The following TRPM3 variants were observed in gnomAD, a reference collection of about 807,000 sequenced individuals.
TRPM3 encodes long transient receptor potential channel 3.
A neutral mutation model predicts 181.2 loss-of-function variants in TRPM3; 77 were observed. That is an observed-to-expected ratio of 0.42 (90% CI 0.35 to 0.51). TRPM3 has a LOEUF of 0.51. Ranked by LOEUF, TRPM3 falls within the 20% of genes least tolerant of loss-of-function variation. The pLI, the probability that TRPM3 is intolerant of heterozygous loss-of-function variation, is 0.01. For missense variants in TRPM3, 1,759 were observed against 2,196.7 expected, an observed-to-expected ratio of 0.80 and a Z score of 3.98; for synonymous variants, 745 against 796.4, an observed-to-expected ratio of 0.94 and a Z score of 1.09.
chr9:71,430,836 G>C (rs963761858), intron 1 of TRPM3, among the ~76,000 whole-genome samples: 6 of 152,016 alleles, frequency 3.9e-5, no homozygotes, highest in Admixed American at 3.9e-4. Context: ...CTTGTGAAAG[G>C]GGTATTTTTG....
intron 1 of TRPM3, among the ~76,000 whole-genome samples, chr9:71,019,640 G>T (rs1391876687): frequency 5.9e-5 from 9 of 151,966 alleles, no homozygotes; most frequent in Non-Finnish European, 1.3e-4. Flanking sequence ...ATATTGTAAT[G>T]ATGCCAAATC....
chr9:70,843,776 A>G (rs2094823046), intron 4 of TRPM3, among the ~76,000 whole-genome samples: 1 of 128,428 alleles, frequency 7.8e-6, no homozygotes. Context: ...GTTAGGCGGC[A>G]TAACTCTTAC....
chr9:70,964,537 T>C (rs1432918243), intron 1 of TRPM3, among the ~76,000 whole-genome samples: 1 of 152,096 alleles, frequency 6.6e-6, no homozygotes, highest in Non-Finnish European at 1.5e-5. Context: ...AACTAATTTC[T>C]AGGCTCTGTC....
chr9:71,180,480 G>T (rs941661622), intron 1 of TRPM3, among the ~76,000 whole-genome samples: 3 of 152,134 alleles, frequency 2.0e-5, no homozygotes, highest in African/African-American at 7.2e-5. Context: ...CCTGTACTTT[G>T]TAAGTACTCT....
At chr9:71,154,024 C>T (rs1351988354) in intron 1 of TRPM3, among the ~76,000 whole-genome samples, 1 of 152,026 alleles carries the variant, frequency 6.6e-6, no homozygotes, top group African/African-American at 2.4e-5. Context: ...TGAACCTGTA[C>T]AGAACTGCAG....
rs1464717447 is a variant in TRPM3, at chr9:71,121,337, C to T, written c.18G>A (p.Gly6=). MPEPW[G]TVYFLGIAQV... ...GAGCAATGCCTAGAAAATAAACGGT[C>T]CCCCACGGCTCTGGCATCCCATGGT... Residue 6 remains glycine, a synonymous_variant, in exon 1 of 26, where the codon GGG becomes GGA. Transcript: ENST00000677713. The T allele has an allele frequency of 1.9e-6, 3 of 1,613,654 alleles. No individual in the cohort carries two copies. The highest frequency in any genetic ancestry group is 3.3e-5 in the Admixed American group (2 of 59,990).
chr9:71,011,586 C>T (rs1193663703), intron 1 of TRPM3, among the ~76,000 whole-genome samples: 1 of 151,858 alleles, frequency 6.6e-6, no homozygotes, highest in African/African-American at 2.4e-5. Flanking sequence ...AGTCATTCAT[C>T]TTTGTTATAT....
chr9:71,051,053 T>G (rs2060010673), intron 1 of TRPM3, among the ~76,000 whole-genome samples: 1 of 152,200 alleles, frequency 6.6e-6, no homozygotes, highest in Admixed American at 6.5e-5. Context: ...TGTCTCCCAG[T>G]TCCTGAGGAG....
intron 1 of TRPM3, among the ~76,000 whole-genome samples, chr9:71,399,532 T>C (rs905958372): frequency 2.4e-5 from 3 of 127,260 alleles, no homozygotes; most frequent in Non-Finnish European, 4.9e-5. Context: ...TTTTGTTTTT[T>C]TTTTTTTTTT....
chr9:70,870,606 A>G (rs1001587349), intron 1 of TRPM3, among the ~76,000 whole-genome samples: 1 of 152,054 alleles, frequency 6.6e-6, no homozygotes, highest in Non-Finnish European at 1.5e-5. Context: ...TAATACAGAA[A>G]AAGTGGAAAC....
intron 1 of TRPM3, among the ~76,000 whole-genome samples, chr9:71,114,254 A>C (rs1364752781): frequency 1.3e-5 from 2 of 152,178 alleles, no homozygotes; most frequent in Middle Eastern, 3.2e-3. Flanking sequence ...CCCTCTGAAA[A>C]TGAAGTACAG....
chr9:70,968,491 G>C (rs186656136), intron 1 of TRPM3, among the ~76,000 whole-genome samples: 1 of 152,130 alleles, frequency 6.6e-6, no homozygotes, highest in Non-Finnish European at 1.5e-5. Flanking sequence ...GAATCTGAGA[G>C]CCCCTCTTAT....
chr9:70,906,929 A>G (rs1175348877), intron 1 of TRPM3, among the ~76,000 whole-genome samples: 2 of 152,124 alleles, frequency 1.3e-5, no homozygotes, highest in African/African-American at 4.8e-5. Context: ...AATAAAAAAT[A>G]AAGTCCAGAT....
intron 1 of TRPM3, among the ~76,000 whole-genome samples, chr9:71,163,193 A>G (rs2076362970): frequency 1.3e-5 from 2 of 152,320 alleles, no homozygotes; most frequent in African/African-American, 4.8e-5. Flanking sequence ...CCAAGGTCAC[A>G]GTGTGAAGAA....
intron 3 of TRPM3, among the ~76,000 whole-genome samples, chr9:70,859,865 C>T (rs910352057): frequency 1.3e-5 from 2 of 152,102 alleles, no homozygotes; most frequent in African/African-American, 4.8e-5. Flanking sequence ...AGGAGGTTGA[C>T]TGAAAGTGGA....
Position 71,414,719 on chromosome 9 carries a change from T to G in TRPM3, c.183+31934A>C, listed in dbSNP as rs527751071. On this transcript the variant is annotated intron_variant, in intron 1 of 24. Transcript: ENST00000357533. ...ACTGGAGAGGCATGATACTAACTCA[T>G]GAAGCAGAGAAATCCCAAGATTCGT... is the stretch of plus-strand genomic sequence containing the variant. 6.6e-5 allele frequency among the ~76,000 whole-genome samples: 10 copies of G among 152,180 alleles called. No homozygotes were observed. The East Asian group carries it at 1.7e-3, about 26-fold the overall frequency.
At chr9:71,254,877 A>G (rs2082578332) in intron 1 of TRPM3, among the ~76,000 whole-genome samples, 1 of 152,204 alleles carries the variant, frequency 6.6e-6, no homozygotes. Context: ...AGGAAAGAAG[A>G]CAAAGGGTCC....
chr9:71,408,180 C>G (rs1012689584), intron 1 of TRPM3, among the ~76,000 whole-genome samples: 37 of 152,100 alleles, frequency 2.4e-4, no homozygotes, highest in African/African-American at 8.5e-4. Context: ...TTCTAAAAAC[C>G]AGAGCACCTC....
chr9:71,065,107 CATA>C (rs1353035859), intron 1 of TRPM3, among the ~76,000 whole-genome samples: 1 of 152,086 alleles, frequency 6.6e-6, no homozygotes, highest in African/African-American at 2.4e-5. Flanking sequence ...TCAGAGCTTC[CATA>C]ATATTTTATG....
Sources: gnomAD v4.1 joint callset for allele counts (sites outside exome capture counted in the v4.1 genomes callset) on GRCh38, gnomAD v4.1.1 for gene constraint, MANE v1.5 for transcripts, NCBI Gene and HGNC (gene_info 2026-07-23, HGNC 2026-07-21) for gene names.